USP39: variants seen among roughly 807,000 people sequenced by gnomAD.
The protein encoded by USP39 is ubiquitin carboxyl-terminal hydrolase 39.
USP39 carries 38 observed loss-of-function variants against 66.4 expected under a neutral mutation model. The observed-to-expected ratio is 0.57, with a 90% CI of 0.44 to 0.75. USP39 has a LOEUF of 0.75. USP39 is among the 30% of genes least tolerant of loss of function. USP39 has a pLI of 0.00. For missense variants in USP39, 608 were observed against 714.4 expected, an observed-to-expected ratio of 0.85 and a Z score of 1.70; for synonymous variants, 303 against 274.6, an observed-to-expected ratio of 1.10 and a Z score of -1.02.
At position 85,648,025 on chromosome 2, in the gene USP39, G is replaced by A. The variant is rs1676780284; in HGVS notation, c.1650+9G>A. 4.3e-6 allele frequency: 7 copies of A among 1,613,850 alleles called. No individual in the cohort carries two copies. In the Admixed American group the frequency reaches 5.0e-5, roughly 12 times the overall value. Reference sequence around the variant, plus strand: ...CAGAGGCTTACATTCAGGTGGGTTGGCCACAGGCTTAGTGAGCCACAAATA... The same window carrying A: ...CAGAGGCTTACATTCAGGTGGGTTGACCACAGGCTTAGTGAGCCACAAATA... On this transcript the variant is annotated intron_variant, in intron 12 of 12. Transcript: ENST00000323701.
chr2:85,608,816 C>G, upstream of USP39: 3 of 1,306,636 alleles, frequency 2.3e-6, no homozygotes, highest in Admixed American at 2.0e-5. Context: ...CTGCAACACC[C>G]TATGGATGCA....
intron 11 of USP39, among the ~76,000 whole-genome samples, 182 bp from the exon 12 acceptor site, chr2:85,647,748 C>T (rs1676757834): frequency 6.6e-6 from 1 of 152,070 alleles, no homozygotes. Flanking sequence ...GATTGACACA[C>T]CAAAAGTCCT....
At chr2:85,647,510 A>C (rs1339745299) in intron 11 of USP39, among the ~76,000 whole-genome samples, 1 of 151,726 alleles carries the variant, frequency 6.6e-6, no homozygotes, top group Non-Finnish European at 1.5e-5. Flanking sequence ...TTAAAAAAAA[A>C]ATTAGCCAGT....
chr2:85,616,487 G>A, intron 1 of USP39, 24 bp downstream of exon 1: 1 of 1,437,118 alleles, frequency 7.0e-7, no homozygotes, highest in Non-Finnish European at 9.2e-7. Flanking sequence ...GGCCGGGCTA[G>A]GCGCGAGAGC....
chr2:85,626,835 A>G (rs920890388), intron 5 of USP39, among the ~76,000 whole-genome samples: 1 of 151,356 alleles, frequency 6.6e-6, no homozygotes, highest in African/African-American at 2.4e-5. Flanking sequence ...CTCCTGCTTC[A>G]GCCTCCCGAG....
At chr2:85,623,596 T>C (rs770569109) in intron 3 of USP39, 50 bp from the exon 4 acceptor site, 2 of 1,564,500 alleles carry the variant, frequency 1.3e-6, no homozygotes, top group Non-Finnish European at 1.7e-6. Context: ...ACCTGATCTG[T>C]GTGTTCTAGT....
intron 11 of USP39, among the ~76,000 whole-genome samples, chr2:85,645,616 C>T (rs1028310613): frequency 2.0e-5 from 3 of 152,102 alleles, no homozygotes; most frequent in Non-Finnish European, 4.4e-5. Flanking sequence ...TGGCACCACA[C>T]CAGGCCGGTT....
At chr2:85,625,779 G>C in intron 5 of USP39, 88 bp downstream of exon 5, 1 of 1,520,904 alleles carries the variant, frequency 6.6e-7, no homozygotes, top group South Asian at 1.2e-5. Context: ...AGCACTTTGG[G>C]AGGCCAAGGC....
chr2:85,607,883 G>C (rs972832659), upstream of USP39: 2 of 152,214 alleles, frequency 1.3e-5, no homozygotes, highest in Non-Finnish European at 2.9e-5. Context: ...CACCGGGTTA[G>C]AGCAGTGGTA....
At chr2:85,621,408 A>T in intron 2 of USP39, 77 bp from the exon 3 acceptor site, 1 of 1,253,724 alleles carries the variant, frequency 8.0e-7, no homozygotes, top group Non-Finnish European at 1.2e-6. Flanking sequence ...ATCATGGGTC[A>T]CAGAGCCAGC....
intron 10 of USP39, among the ~76,000 whole-genome samples, chr2:85,643,757 C>T (rs1253431802): frequency 2.6e-5 from 4 of 151,316 alleles, no homozygotes; most frequent in African/African-American, 7.3e-5. Flanking sequence ...AAGCAATTCT[C>T]CTGCCTCAGC....
At chr2:85,612,012 C>T (rs576104461), upstream of USP39, 15 of 1,454,558 alleles carry the variant, frequency 1.0e-5, no homozygotes, top group South Asian at 4.0e-5. Flanking sequence ...GAGTCGCCGC[C>T]GCCTCGACGG....
At chr2:85,643,351 A>G (rs1021359714) in intron 10 of USP39, among the ~76,000 whole-genome samples, 19 of 152,102 alleles carry the variant, frequency 1.2e-4, no homozygotes, top group South Asian at 6.2e-4. Flanking sequence ...TTAGCCAGGC[A>G]TGGTGGTGGG....
At chr2:85,645,685 C>G (rs189604939) in intron 11 of USP39, 1 of 152,196 alleles carries the variant, frequency 6.6e-6, no homozygotes, top group African/African-American at 2.4e-5. Context: ...TTTTACAACA[C>G]GAAGGACAGC....
At chr2:85,643,997 A>G (rs1676453176) in intron 10 of USP39, among the ~76,000 whole-genome samples, 1 of 152,220 alleles carries the variant, frequency 6.6e-6, no homozygotes, top group Admixed American at 6.5e-5. Context: ...TGACTGCATC[A>G]TATATGGGAC....
In USP39 at chr2:85,630,532, A is replaced by G. The variant is rs529569422; in HGVS notation, c.724-189A>G. 4.6e-5 allele frequency among the ~76,000 whole-genome samples: 7 copies of G among 152,344 alleles called. No individual in the cohort carries two copies. The South Asian group carries it at 1.2e-3, about 27-fold the overall frequency. On this transcript the variant is annotated intron_variant, in intron 5 of 12. Coordinates refer to ENST00000323701, the MANE Select transcript of USP39 (RefSeq NM_006590.4). Reference sequence around the variant, plus strand: ...TGTCTGCAGAACTGTAGTTCGTATGAAACTCAACGTTAATGATATTTCTGT... The same window carrying G: ...TGTCTGCAGAACTGTAGTTCGTATGGAACTCAACGTTAATGATATTTCTGT...
upstream of USP39, chr2:85,612,282 AC>A (rs975859516): frequency 6.5e-7 from 1 of 1,530,504 alleles, no homozygotes; most frequent in Non-Finnish European, 8.8e-7. Context: ...TACAGCTGAT[AC>A]CAGAACCTTC....
chr2:85,632,134 C>T (rs1274639571), intron 6 of USP39, among the ~76,000 whole-genome samples: 1 of 152,144 alleles, frequency 6.6e-6, no homozygotes. Flanking sequence ...GTACCTGAAT[C>T]TCATATGGTA....
chr2:85,604,199 G>C (rs915646568), intron 1 of USP39, among the ~76,000 whole-genome samples: 8 of 152,154 alleles, frequency 5.3e-5, no homozygotes, highest in African/African-American at 1.9e-4. Context: ...AATGGAAGCA[G>C]AAAACCTGTT....
Sources: gnomAD v4.1 joint callset for allele counts (sites outside exome capture counted in the v4.1 genomes callset) on GRCh38, gnomAD v4.1.1 for gene constraint, MANE v1.5 for transcripts, NCBI Gene and HGNC (gene_info 2026-07-23, HGNC 2026-07-21) for gene names.